SPIDR: variants seen among roughly 807,000 people sequenced by gnomAD.
SPIDR encodes the protein DNA repair-scaffolding protein.
Under a neutral mutation model 104.6 loss-of-function variants are expected in SPIDR, and 93 were observed. The observed-to-expected ratio is 0.89, with a 90% CI of 0.75 to 1.06. The LOEUF is 1.06. Among genes scored for constraint, SPIDR ranks in the 50% least tolerant of loss-of-function variants. SPIDR has a pLI of 0.00. For synonymous variants in SPIDR, 431 were observed against 416.9 expected (o/e 1.03, Z -0.41); for missense variants, 1,154 against 1,111.2 (o/e 1.04, Z -0.55).
At chr8:47,382,827 C>T (rs1270878696) in intron 5 of SPIDR, among the ~76,000 whole-genome samples, 1 of 152,166 alleles carries the variant, frequency 6.6e-6, no homozygotes, top group African/African-American at 2.4e-5. Context: ...TATATGCCCG[C>T]ATTTCTCCTT....
chr8:47,561,415 G>A (rs1277783404), intron 8 of SPIDR, among the ~76,000 whole-genome samples: 2 of 152,118 alleles, frequency 1.3e-5, no homozygotes, highest in Non-Finnish European at 2.9e-5. Flanking sequence ...GCTTCAGGAC[G>A]CCTCCCTCAA....
intron 3 of SPIDR, among the ~76,000 whole-genome samples, chr8:47,286,473 C>T (rs1164727062): frequency 6.6e-6 from 1 of 152,154 alleles, no homozygotes; most frequent in Non-Finnish European, 1.5e-5. Context: ...ACTTGGGAGG[C>T]TGTGGCAGGA....
chr8:47,480,146 T>A (rs1341002130), intron 8 of SPIDR, among the ~76,000 whole-genome samples: 2 of 152,190 alleles, frequency 1.3e-5, no homozygotes, highest in Non-Finnish European at 2.9e-5. Context: ...AGAGCCTGCC[T>A]AAGTTCGAGA....
chr8:47,365,976 G>GCACACA (rs59590542), intron 5 of SPIDR, among the ~76,000 whole-genome samples: 3 of 148,704 alleles, frequency 2.0e-5, no homozygotes, highest in East Asian at 2.0e-4. Context: ...ACATGCACAA[G>GCACACA]CACACACACA....
chr8:47,330,807 A>G (rs1394823897), intron 5 of SPIDR: 7 of 456,124 alleles, frequency 1.5e-5, no homozygotes, highest in Non-Finnish European at 2.6e-5. Flanking sequence ...TGAAGGTGCT[A>G]TAAACATACA....
At chr8:47,516,346 A>C (rs762268597) in intron 8 of SPIDR, among the ~76,000 whole-genome samples, 16 of 152,196 alleles carry the variant, frequency 1.1e-4, no homozygotes, top group Admixed American at 1.0e-3. Context: ...AACTACAATC[A>C]TAATGTGGTG....
At chr8:47,513,131 A>G (rs992622944) in intron 8 of SPIDR, among the ~76,000 whole-genome samples, 31 of 152,356 alleles carry the variant, frequency 2.0e-4, no homozygotes, top group Middle Eastern at 3.4e-3. Flanking sequence ...ATTTAAGCCA[A>G]TCATTGAGAG....
At position 47,440,539 on chromosome 8, in the gene SPIDR, C is replaced by T. The variant is rs1554696205; in HGVS notation, c.1094C>T (p.Pro365Leu). ...RPQDTVRIFP[P>L]WQKLIIPSGS... ...CAGGACACTGTCCGGATCTTCCCTC[C>T]CTGGTGAGTGCGCAGAACTTAATCC... Residue 365 changes from proline to leucine, a missense_variant, in exon 8 of 20, where the codon CCC becomes CTC. Pro to Leu is a moderately conservative substitution (Grantham distance 98). Transcript: ENST00000297423. 1 of 1,612,972 alleles carries T rather than the reference C, an allele frequency of 6.2e-7. No homozygotes were observed. Among genetic ancestry groups the T allele is most frequent in the Non-Finnish European group, 8.5e-7 (1 of 1,179,190 alleles).
At chr8:47,342,409 C>T (rs2050944191) in intron 5 of SPIDR, among the ~76,000 whole-genome samples, 1 of 144,782 alleles carries the variant, frequency 6.9e-6, no homozygotes, top group Admixed American at 7.0e-5. Flanking sequence ...AGGTCTTGGC[C>T]CACTGCAGCC....
intron 5 of SPIDR, among the ~76,000 whole-genome samples, chr8:47,389,882 T>C (rs1302705090): frequency 1.3e-5 from 2 of 152,068 alleles, no homozygotes; most frequent in African/African-American, 4.8e-5. Context: ...AAAATTTTAA[T>C]AACAATTTTC....
chr8:47,640,841 C>CT lies in SPIDR; in HGVS notation c.1545-32916dup, dbSNP rs57405701. On this transcript the variant is annotated intron_variant, in intron 10 of 19. Coordinates refer to ENST00000297423, the MANE Select transcript of SPIDR (RefSeq NM_001080394.4). Reference sequence around the variant, plus strand: ...TACAGGTACACACTGCCACACCCAGCTTTTTTTTTTTTTTTTTTTTTTTTT... The same window carrying CT: ...TACAGGTACACACTGCCACACCCAGCTTTTTTTTTTTTTTTTTTTTTTTTTT... Among the ~76,000 whole-genome samples the CT allele has an allele frequency of 9.4e-4, 39 of 41,300 alleles. 13 individuals are homozygous for CT. The highest frequency in any genetic ancestry group is 1.8e-3 in the Admixed American group (4 of 2,250). The allele number at this position is 41,300 out of a possible 152,430, so 27.1% of individuals were successfully genotyped here.
intron 8 of SPIDR, among the ~76,000 whole-genome samples, chr8:47,585,196 T>A (rs1477931474): frequency 1.3e-5 from 2 of 152,216 alleles, no homozygotes; most frequent in African/African-American, 4.8e-5. Flanking sequence ...TTTTATCTTC[T>A]ATCAGGGAAA....
intron 5 of SPIDR, among the ~76,000 whole-genome samples, chr8:47,339,761 C>A (rs932808244): frequency 6.8e-5 from 10 of 147,340 alleles, no homozygotes; most frequent in Non-Finnish European, 1.2e-4. Flanking sequence ...CTCACTGCAA[C>A]CTTTGCCTCC....
At chr8:47,682,981 A>T (rs2077289865) in intron 11 of SPIDR, among the ~76,000 whole-genome samples, 1 of 152,172 alleles carries the variant, frequency 6.6e-6, no homozygotes, top group Non-Finnish European at 1.5e-5. Flanking sequence ...ATGCAAAGGG[A>T]AGACAAGGGA....
chr8:47,726,752 G>T (rs1207112278), intron 16 of SPIDR, among the ~76,000 whole-genome samples: 1 of 151,974 alleles, frequency 6.6e-6, no homozygotes, highest in East Asian at 1.9e-4. Context: ...TTGGGGAGTG[G>T]GGACAGGGTC....
chr8:47,567,565 A>G (rs991305904), intron 8 of SPIDR, among the ~76,000 whole-genome samples: 8 of 152,058 alleles, frequency 5.3e-5, no homozygotes, highest in Non-Finnish European at 7.4e-5. Context: ...GGACTCTGCC[A>G]TTGCATTCAA....
chr8:47,555,946 G>A (rs1250082412), intron 8 of SPIDR, among the ~76,000 whole-genome samples: 1 of 152,098 alleles, frequency 6.6e-6, no homozygotes, highest in East Asian at 1.9e-4. Flanking sequence ...GGTTGTTATG[G>A]GAACTAAATA....
At chr8:47,330,765 C>T (rs1563642634) in intron 5 of SPIDR, 1 of 456,168 alleles carries the variant, frequency 2.2e-6, no homozygotes, top group Non-Finnish European at 4.4e-6. Context: ...CAAGAGACAT[C>T]TGGGTTGCTT....
chr8:47,408,041 GTTAA>G, intron 7 of SPIDR, 80 bp downstream of exon 7: 1 of 684,750 alleles, frequency 1.5e-6, no homozygotes. Flanking sequence ...AATATATGAA[GTTAA>G]TTGTTAATAT....
Sources: gnomAD v4.1 joint callset for allele counts (sites outside exome capture counted in the v4.1 genomes callset) on GRCh38, gnomAD v4.1.1 for gene constraint, MANE v1.5 for transcripts, NCBI Gene and HGNC (gene_info 2026-07-23, HGNC 2026-07-21) for gene names.